Variants in ANKRD11 observed in about 807,000 individuals in gnomAD.
ANKRD11 encodes the protein ankyrin repeat domain 11.
ANKRD11 carries 17 observed loss-of-function variants against 195.7 expected under a neutral mutation model. That is an observed-to-expected ratio of 0.09 (90% CI 0.06 to 0.13). The LOEUF is 0.13. Ranked by LOEUF, ANKRD11 falls within the 10% of genes least tolerant of loss-of-function variation. The pLI, the probability that ANKRD11 is intolerant of heterozygous loss-of-function variation, is 1.00. For missense variants in ANKRD11, 3,735 were observed against 3,566.1 expected (o/e 1.05, Z -1.21); for synonymous variants, 1,953 against 1,528.1 (o/e 1.28, Z -6.49).
At chr16:89,364,239 G>A (rs1226309159) in intron 2 of ANKRD11, among the ~76,000 whole-genome samples, 1 of 152,210 alleles carries the variant, frequency 6.6e-6, no homozygotes, top group East Asian at 1.9e-4. Context: ...CACACAGACT[G>A]AAGTATGAAA....
rs1170842030 is a variant in ANKRD11, at chr16:89,285,707, T to G, written c.893-58A>C. On this transcript the variant is annotated intron_variant, in intron 8 of 12. Transcript: ENST00000301030. This position sits in a 1 kb window ranked among gnomAD's most constrained non-coding sequence, Gnocchi z 5.6. Reference sequence around the variant, plus strand: ...AGGCTCAAAACAGCTCTCCCCAGAATGGCAGAGGAGGGAGGCTCTGCAGAT... The same window carrying G: ...AGGCTCAAAACAGCTCTCCCCAGAAGGGCAGAGGAGGGAGGCTCTGCAGAT... The G allele has an allele frequency of 6.4e-7, 1 of 1,574,586 alleles. No homozygotes were observed. Among genetic ancestry groups the G allele is most frequent in the Non-Finnish European group, 8.7e-7 (1 of 1,144,390 alleles).
intron 2 of ANKRD11, among the ~76,000 whole-genome samples, chr16:89,332,873 C>T (rs770314054): frequency 3.9e-5 from 6 of 152,224 alleles, no homozygotes; most frequent in Non-Finnish European, 4.4e-5. Flanking sequence ...TTTTATTACT[C>T]CTTAGGGCTG....
rs777453130 is a variant in ANKRD11 at position 89,285,127 on chromosome 16, C to T, written c.1415G>A (p.Arg472Gln). Reference sequence around the variant, plus strand: ...CTCCGAGGAGCAGAACTTGTCGCTCCGCTTTCCGAAGCGAACCTCTCTGCC... The same window carrying T: ...CTCCGAGGAGCAGAACTTGTCGCTCTGCTTTCCGAAGCGAACCTCTCTGCC... ...TKGREVRFGK[R>Q]SDKFCSSESE... Residue 472 changes from arginine to glutamine, a missense_variant, in exon 9 of 13, where the codon CGG (arginine) becomes CAG (glutamine). Coordinates refer to ENST00000301030, the MANE Select transcript of ANKRD11 (RefSeq NM_013275.6). This position sits in a 1 kb window ranked among gnomAD's most constrained non-coding sequence, Gnocchi z 5.6. 20 of 1,613,534 alleles carry T rather than the reference C, an allele frequency of 1.2e-5. No homozygotes were observed. The highest frequency in any genetic ancestry group is 3.3e-5 in the South Asian group (3 of 91,082).
At position 89,270,844 on chromosome 16, in the gene ANKRD11, G is replaced by A. The variant is rs752378966; in HGVS notation, c.7779C>T (p.Asp2593=). The A allele has an allele frequency of 5.0e-6, 8 of 1,614,028 alleles. No homozygotes were observed. Among genetic ancestry groups the A allele is most frequent in the Middle Eastern group, 1.7e-4 (1 of 6,034 alleles). ...TCATGCGGTCATACTTGTCATCCAC[G>A]TCCTGGAGCCAGGAGATGAACTGGC... is the stretch of plus-strand genomic sequence containing the variant. ...NARQFISWLQ[D]VDDKYDRMKT... Residue 2593 remains aspartate, a synonymous_variant, in exon 12 of 13, where the codon GAC becomes GAT. Transcript: ENST00000301030.
chr16:89,321,932 CGCT>C (rs956544271), intron 2 of ANKRD11, among the ~76,000 whole-genome samples: 18 of 152,292 alleles, frequency 1.2e-4, no homozygotes, highest in Non-Finnish European at 2.5e-4. Flanking sequence ...CGTGGAGACC[CGCT>C]GCTGCTGCGC....
At chr16:89,275,242 C>T (rs776823546) in intron 9 of ANKRD11, 51 bp from the exon 10 acceptor site, 15 of 1,498,120 alleles carry the variant, frequency 1.0e-5, no homozygotes, top group Middle Eastern at 2.2e-4. Context: ...TGGAACTGCA[C>T]GAAGGATATA....
At chr16:89,341,989 C>CA (rs1446428371) in intron 2 of ANKRD11, among the ~76,000 whole-genome samples, 58 of 85,598 alleles carry the variant, frequency 6.8e-4, no homozygotes, top group African/African-American at 2.1e-3. Context: ...GCACCTCCAC[C>CA]CACAGCGGCC....
In ANKRD11 at chr16:89,288,894, C is replaced by T. The variant is rs2034837396; in HGVS notation, c.602-224G>A. The T allele has an allele frequency of 2.2e-5, 14 of 623,596 alleles. No individual in the cohort carries two copies. In the South Asian group the frequency reaches 2.5e-4, roughly 11 times the overall value. 38.6% of individuals were successfully genotyped at this position (623,596 alleles called of 1,614,324 possible). A position where few individuals can be genotyped will look rare whatever the true frequency, so the allele number is the denominator to read the frequency against. On this transcript the variant is annotated intron_variant, in intron 6 of 12. Transcript: ENST00000301030. ...CACGATCCATATCTAGCTTATTAAC[C>T]CTACGGACTGACAACCTGCAGGGCT... is the stretch of plus-strand genomic sequence containing the variant.
intron 1 of ANKRD11, 143 bp from the exon 2 acceptor site, chr16:89,418,511 A>G (rs891198827): frequency 3.7e-6 from 1 of 273,410 alleles, no homozygotes; most frequent in African/African-American, 2.2e-5. Flanking sequence ...GCTCCTGGTC[A>G]CTGTGCCAAG....
rs1348335109 is a variant in ANKRD11 at position 89,284,825 on chromosome 16, G to C, written c.1717C>G (p.Leu573Val). ...SSLSDSTRTR[L>V]TSESDYSSEG... ...GAGGAGTAGTCAGACTCGCTTGTCA[G>C]TCTCGTCCTTGTGGAGTCTGATAAA... The change falls in exon 9 of 13, where the codon CTG (leucine) becomes GTG (valine). Residue 573 changes from leucine to valine, a missense_variant. Coordinates refer to ENST00000301030, the MANE Select transcript of ANKRD11 (RefSeq NM_013275.6). The C allele has an allele frequency of 6.2e-7, 1 of 1,613,944 alleles. No individual in the cohort carries two copies. Among genetic ancestry groups the C allele is most frequent in the Admixed American group, 1.7e-5 (1 of 60,024 alleles).
chr16:89,286,145 C>T lies in ANKRD11; in HGVS notation c.786G>A (p.Gln262=). 1 of 1,614,128 alleles carries T rather than the reference C, an allele frequency of 6.2e-7. No homozygotes were observed. The highest frequency in any genetic ancestry group is 1.1e-5 in the South Asian group (1 of 91,092). ...GCGGCGTCTCGCCTTTCCTGTTGCTCTGCTGCGGGTTCCCTCCGTACCGCA... is the reference window on the plus strand; with the variant it reads ...GCGGCGTCTCGCCTTTCCTGTTGCTTTGCTGCGGGTTCCCTCCGTACCGCA... ...LLLRYGGNPQ[Q]SNRKGETPLK... Residue 262 remains glutamine (Q), a synonymous_variant, in exon 8 of 13, where the codon CAG becomes CAA. Transcript: ENST00000301030.
intron 2 of ANKRD11, among the ~76,000 whole-genome samples, chr16:89,345,451 C>T (rs1295057776): frequency 6.6e-6 from 1 of 152,174 alleles, no homozygotes; most frequent in African/African-American, 2.4e-5. Flanking sequence ...TTCCTCTGTC[C>T]CTGCAGCCAC....
At chr16:89,298,780 C>G (rs2035618611) in intron 4 of ANKRD11, 1 of 152,204 alleles carries the variant, frequency 6.6e-6, no homozygotes, top group Non-Finnish European at 1.5e-5. Flanking sequence ...CTTTGCTAGT[C>G]CAAGCTTCCC....
Position 89,281,564 on chromosome 16 carries a change from T to A in ANKRD11, c.4978A>T (p.Ile1660Phe), listed in dbSNP as rs750932626. 1.9e-6 allele frequency: 3 copies of A among 1,614,080 alleles called. No homozygotes were observed. Among genetic ancestry groups the A allele is most frequent in the South Asian group, 2.2e-5 (2 of 91,090 alleles). Reference sequence around the variant, plus strand: ...AGCTTATTTTCCGCGGCAGGTGGAATAGGAGTCGACTCTTTGAGCTTTTTG... The same window carrying A: ...AGCTTATTTTCCGCGGCAGGTGGAAAAGGAGTCGACTCTTTGAGCTTTTTG... ...KDKKLKESTP[I>F]PPAAENKLHP... Residue 1660 changes from isoleucine (I) to phenylalanine (F), a missense_variant, in exon 9 of 13, where the codon ATT becomes TTT. Coordinates refer to ENST00000301030, the MANE Select transcript of ANKRD11 (RefSeq NM_013275.6). This position sits in a 1 kb window ranked among gnomAD's most constrained non-coding sequence, Gnocchi z 5.5.
chr16:89,291,167 C>T lies in ANKRD11; in HGVS notation c.243G>A (p.Glu81=). ...KDSDTEKQGP[E]RKRIKKEPVT... The stretch of plus-strand genomic sequence containing the variant: ...CAGGCTCCTTCTTAATCCTCTTCCG[C>T]TCAGGGCCCTGCTTCTCTGTGAGGC... The change falls in exon 5 of 13, where the codon GAG becomes GAA. Residue 81 remains glutamate (E), a synonymous_variant. Coordinates refer to ENST00000301030, the MANE Select transcript of ANKRD11 (RefSeq NM_013275.6). This position sits in a 1 kb window ranked among gnomAD's most constrained non-coding sequence, Gnocchi z 5.3. 2 of 1,613,848 alleles carry T rather than the reference C, an allele frequency of 1.2e-6. No individual in the cohort carries two copies. Among genetic ancestry groups the T allele is most frequent in the East Asian group, 2.2e-5 (1 of 44,890 alleles).
At chr16:89,336,731 C>G (rs769326807) in intron 2 of ANKRD11, among the ~76,000 whole-genome samples, 16 of 152,204 alleles carry the variant, frequency 1.1e-4, no homozygotes, top group South Asian at 6.2e-4. Flanking sequence ...AGTCCCCACT[C>G]TCTACCTATC....
chr16:89,424,612 C>T (rs934486785), intron 1 of ANKRD11, among the ~76,000 whole-genome samples: 9 of 152,068 alleles, frequency 5.9e-5, no homozygotes, highest in African/African-American at 1.9e-4. Flanking sequence ...GCGAACATTA[C>T]GCTGAGCAAA....
intron 1 of ANKRD11, among the ~76,000 whole-genome samples, chr16:89,475,303 G>T (rs554196081): frequency 2.5e-4 from 38 of 152,262 alleles, no homozygotes; most frequent in African/African-American, 8.9e-4. Context: ...GAGGCTCCGT[G>T]GCCAAGCTGG....
At chr16:89,380,376 T>G (rs369924496) in intron 2 of ANKRD11, among the ~76,000 whole-genome samples, 1 of 152,166 alleles carries the variant, frequency 6.6e-6, no homozygotes, top group Admixed American at 6.5e-5. Context: ...CCTCCCAAAG[T>G]GCTGGGATTA....
Sources: allele counts gnomAD v4.1 joint callset (sites outside exome capture counted in the v4.1 genomes callset), GRCh38; gene constraint gnomAD v4.1.1; non-coding constraint Gnocchi (gnomAD v3.1); transcripts MANE v1.5; gene names NCBI Gene and HGNC (gene_info 2026-07-23, HGNC 2026-07-21).